The following ELF1 variants were observed in gnomAD, a reference collection of about 807,000 sequenced individuals.
ELF1 encodes the protein E74 like ETS transcription factor 1.
Under a neutral mutation model 59.9 loss-of-function variants are expected in ELF1, and 24 were observed. The observed-to-expected ratio is 0.40, with a 90% CI of 0.29 to 0.56. The LOEUF is 0.56. Ranked by LOEUF, ELF1 falls within the 20% of genes least tolerant of loss-of-function variation. The pLI is 0.44. For synonymous variants in ELF1, 248 were observed against 266.2 expected, an observed-to-expected ratio of 0.93 and a Z score of 0.67; for missense variants, 627 against 742.2, an observed-to-expected ratio of 0.84 and a Z score of 1.80.
chr13:40,981,084 T>C (rs1001464010), intron 2 of ELF1, among the ~76,000 whole-genome samples: 1 of 150,464 alleles, frequency 6.6e-6, no homozygotes, highest in Non-Finnish European at 1.5e-5. Flanking sequence ...GTAGTAACTA[T>C]GTTTCCAGAA....
rs1345656817 is a variant in ELF1, at chr13:40,960,549, G to T, written c.73-1533C>A. On this transcript the variant is annotated intron_variant, in intron 2 of 8. Transcript: ENST00000239882. The stretch of plus-strand genomic sequence containing the variant: ...TTCTTTCAAATATATCATGTCAGGG[G>T]GTCCAAAATACCTATTTGTCCCCCC... Among the ~76,000 whole-genome samples, 5 of 152,154 alleles carry T rather than the reference G, an allele frequency of 3.3e-5. No individual in the cohort carries two copies. In the South Asian group the frequency reaches 8.3e-4, roughly 25 times the overall value.
intron 1 of ELF1, among the ~76,000 whole-genome samples, chr13:41,047,139 A>T (rs1876881660): frequency 6.6e-6 from 1 of 152,152 alleles, no homozygotes; most frequent in Non-Finnish European, 1.5e-5. Flanking sequence ...CAGGTCGTTT[A>T]AGGACTTCTC....
intron 2 of ELF1, among the ~76,000 whole-genome samples, chr13:40,962,618 G>A (rs375123063): frequency 2.0e-5 from 3 of 151,596 alleles, no homozygotes; most frequent in South Asian, 4.2e-4. Flanking sequence ...CCTGGGAGGC[G>A]GAGGTTGCAG....
chr13:40,957,421 T>G (rs1262235503), intron 3 of ELF1, among the ~76,000 whole-genome samples: 1 of 137,414 alleles, frequency 7.3e-6, no homozygotes, highest in East Asian at 2.0e-4. Flanking sequence ...ACAGCATGTA[T>G]AAAGAAAAGC....
intron 2 of ELF1, among the ~76,000 whole-genome samples, chr13:40,971,030 A>G (rs1872518034): frequency 1.3e-5 from 2 of 152,200 alleles, no homozygotes. Context: ...CTAGTCACCC[A>G]GCCAGAAAAA....
chr13:40,954,709 C>G (rs1393835209), intron 3 of ELF1, among the ~76,000 whole-genome samples: 2 of 151,904 alleles, frequency 1.3e-5, no homozygotes, highest in South Asian at 2.1e-4. Flanking sequence ...CTCGGCCTCC[C>G]GAGGTGCCGG....
chr13:41,044,497 C>A (rs1461755658), intron 1 of ELF1, among the ~76,000 whole-genome samples: 2 of 152,144 alleles, frequency 1.3e-5, no homozygotes, highest in African/African-American at 4.8e-5. Flanking sequence ...GAGTTTTTAG[C>A]ATGAAGCGCT....
chr13:40,991,479 G>A (rs1172707719), intron 1 of ELF1, among the ~76,000 whole-genome samples: 1 of 151,944 alleles, frequency 6.6e-6, no homozygotes, highest in Non-Finnish European at 1.5e-5. Flanking sequence ...GTCTCACTTT[G>A]TTGCAAAGAC....
chr13:41,023,515 T>G (rs116790165), upstream of ELF1, among the ~76,000 whole-genome samples: 729 of 152,348 alleles, frequency 4.8e-3, 5 homozygotes, highest in African/African-American at 0.017. Flanking sequence ...CTTTCAATCA[T>G]GCAGAATTTA....
intron 1 of ELF1, among the ~76,000 whole-genome samples, chr13:41,002,379 A>T (rs1874503903): frequency 6.6e-6 from 1 of 152,082 alleles, no homozygotes; most frequent in African/African-American, 2.4e-5. Flanking sequence ...GCAGTGGCTC[A>T]TGCCTGTAAT....
intron 1 of ELF1, among the ~76,000 whole-genome samples, chr13:41,005,561 CAT>C (rs914278486): frequency 6.6e-6 from 1 of 151,768 alleles, no homozygotes; most frequent in Non-Finnish European, 1.5e-5. Context: ...TCATTTTTAC[CAT>C]GGCTTCTTAT....
At chr13:41,023,819 G>C (rs897279847), upstream of ELF1, among the ~76,000 whole-genome samples, 1 of 152,138 alleles carries the variant, frequency 6.6e-6, no homozygotes, top group Non-Finnish European at 1.5e-5. Flanking sequence ...CTAGGACAAG[G>C]CCCAAAACTC....
chr13:40,973,684 G>C (rs1371354191), intron 2 of ELF1, among the ~76,000 whole-genome samples: 1 of 151,572 alleles, frequency 6.6e-6, no homozygotes, highest in Non-Finnish European at 1.5e-5. Flanking sequence ...AGGTGATTGA[G>C]TATTTTCTGG....
chr13:41,059,457 CTAAT>C (rs1339648686), intron 1 of ELF1, among the ~76,000 whole-genome samples: 2 of 152,164 alleles, frequency 1.3e-5, no homozygotes, highest in Non-Finnish European at 2.9e-5. Context: ...CAAGGTAAGC[CTAAT>C]TAATCCTTAA....
intron 1 of ELF1, among the ~76,000 whole-genome samples, chr13:41,035,433 T>A (rs117846353): frequency 6.6e-6 from 1 of 152,038 alleles, no homozygotes; most frequent in African/African-American, 2.4e-5. Flanking sequence ...TTCCACCCAA[T>A]TGAACCATTC....
intron 1 of ELF1, among the ~76,000 whole-genome samples, chr13:40,997,155 T>C (rs1322362950): frequency 2.6e-5 from 4 of 152,252 alleles, no homozygotes; most frequent in African/African-American, 4.8e-5. Context: ...AAAGACTTTA[T>C]GATTCCTTGT....
chr13:40,939,865 C>T (rs1870022443), intron 8 of ELF1, among the ~76,000 whole-genome samples: 2 of 152,152 alleles, frequency 1.3e-5, no homozygotes, highest in South Asian at 4.1e-4. Flanking sequence ...TCAAGATATA[C>T]TCCTTTAATA....
exon 1 of ELF1, chr13:41,061,371 C>G (rs1284858230): frequency 1.9e-6 from 1 of 520,440 alleles, no homozygotes; most frequent in Non-Finnish European, 3.5e-6. Flanking sequence ...CAGCTCAGGT[C>G]CCGTCGCGCT....
chr13:40,987,545 A>C (rs1324758376), intron 1 of ELF1, among the ~76,000 whole-genome samples: 1 of 145,420 alleles, frequency 6.9e-6, no homozygotes, highest in Non-Finnish European at 1.5e-5. Flanking sequence ...GAGGCACGCC[A>C]CTATACTCTA....
Sources: gnomAD v4.1 joint callset for allele counts (sites outside exome capture counted in the v4.1 genomes callset) on GRCh38, gnomAD v4.1.1 for gene constraint, MANE v1.5 for transcripts, NCBI Gene and HGNC (gene_info 2026-07-23, HGNC 2026-07-21) for gene names.